Variants in PDE1C observed in about 807,000 individuals in gnomAD.
The protein encoded by PDE1C is dual specificity calcium/calmodulin-dependent 3',5'-cyclic nucleotide phosphodiesterase 1C.
In PDE1C, 62 loss-of-function variants were observed where a neutral mutation model predicts 93.1. The ratio of observed to expected loss-of-function variants is 0.67; its 90% CI spans 0.54 to 0.82. The LOEUF (loss-of-function observed/expected upper bound fraction) is 0.82, where lower values mean the gene tolerates loss of function less well. PDE1C is among the 40% of genes least tolerant of loss of function. The pLI is 0.00. For synonymous variants in PDE1C, 325 were observed against 310.1 expected, an observed-to-expected ratio of 1.05 and a Z score of -0.50; for missense variants, 742 against 884.6, an observed-to-expected ratio of 0.84 and a Z score of 2.04.
At chr7:31,920,710 T>C (rs1270143592) in intron 2 of PDE1C, among the ~76,000 whole-genome samples, 4 of 152,192 alleles carry the variant, frequency 2.6e-5, no homozygotes, top group African/African-American at 9.7e-5. Context: ...CCCAATTGTA[T>C]ACTCCCCTGG....
intron 2 of PDE1C, among the ~76,000 whole-genome samples, chr7:32,183,509 C>T (rs1210401701): frequency 3.9e-5 from 6 of 152,096 alleles, no homozygotes; most frequent in Non-Finnish European, 5.9e-5. Flanking sequence ...TATCTACAAC[C>T]ATCTGATCTT....
At chr7:31,655,783 G>C in the PDE1C span, 1 of 985,598 alleles carries the variant, frequency 1.0e-6, no homozygotes, top group Non-Finnish European at 1.2e-6. Context: ...CTTTACCCAG[G>C]TTGGGCTTTT....
chr7:31,851,274 T>C (rs990731148), intron 7 of PDE1C, among the ~76,000 whole-genome samples: 10 of 152,152 alleles, frequency 6.6e-5, no homozygotes, highest in African/African-American at 1.9e-4. Flanking sequence ...ATCCACACCA[T>C]CAACATTGGC....
intron 2 of PDE1C, among the ~76,000 whole-genome samples, chr7:32,025,739 C>T (rs553533660): frequency 6.6e-6 from 1 of 152,208 alleles, no homozygotes; most frequent in South Asian, 2.1e-4. Context: ...ACTTACTGAG[C>T]GTCCATGTCA....
chr7:32,263,068 G>A (rs1040260157), intron 1 of PDE1C, among the ~76,000 whole-genome samples: 3 of 152,154 alleles, frequency 2.0e-5, no homozygotes, highest in Non-Finnish European at 4.4e-5. Flanking sequence ...GGTGTGATAT[G>A]AGGATCTCCC....
At chr7:32,051,019 G>A (rs547931657) in intron 2 of PDE1C, among the ~76,000 whole-genome samples, 2 of 152,320 alleles carry the variant, frequency 1.3e-5, no homozygotes, top group East Asian at 3.9e-4. Context: ...CAGCCCAGAG[G>A]CAGGCTGGGC....
chr7:31,716,969 C>A, the PDE1C span, among the ~76,000 whole-genome samples: 2 of 152,062 alleles, frequency 1.3e-5, no homozygotes, highest in Non-Finnish European at 2.9e-5. Flanking sequence ...GAAGCAACAC[C>A]AACCAAAATT....
intron 6 of PDE1C, among the ~76,000 whole-genome samples, chr7:31,870,958 A>G (rs1795872382): frequency 6.6e-6 from 1 of 151,348 alleles, no homozygotes; most frequent in Non-Finnish European, 1.5e-5. Context: ...TTTTTAGTAT[A>G]CTTTTATGCT....
At chr7:32,029,205 T>C (rs1789924954) in intron 2 of PDE1C, among the ~76,000 whole-genome samples, 1 of 151,694 alleles carries the variant, frequency 6.6e-6, no homozygotes, top group African/African-American at 2.4e-5. Flanking sequence ...TCATCTCAGA[T>C]GGAGAAAAAA....
chr7:32,137,099 A>T (rs956946447), intron 3 of PDE1C, among the ~76,000 whole-genome samples: 8 of 152,216 alleles, frequency 5.3e-5, no homozygotes, highest in African/African-American at 1.4e-4. Context: ...CAGATGGAGC[A>T]TAAGACTATC....
intron 1 of PDE1C, among the ~76,000 whole-genome samples, chr7:32,405,188 A>G (rs945977353): frequency 4.6e-5 from 7 of 152,166 alleles, no homozygotes; most frequent in African/African-American, 1.7e-4. Flanking sequence ...AAGTCTTCAA[A>G]GAGATTTGTA....
At chr7:31,702,135 G>C in the PDE1C span, among the ~76,000 whole-genome samples, 1 of 151,766 alleles carries the variant, frequency 6.6e-6, no homozygotes, top group Admixed American at 6.6e-5. Flanking sequence ...TCATTCTACA[G>C]GTTATGCTAT....
intron 1 of PDE1C, among the ~76,000 whole-genome samples, chr7:32,221,571 C>G (rs1414247107): frequency 2.0e-5 from 3 of 152,164 alleles, no homozygotes; most frequent in African/African-American, 7.2e-5. Context: ...GGTGATGGCT[C>G]TGGTCCAGGT....
At chr7:31,865,140 C>T in intron 6 of PDE1C, 58 bp from the exon 7 acceptor site, 1 of 1,594,168 alleles carries the variant, frequency 6.3e-7, no homozygotes, top group Admixed American at 1.7e-5. Context: ...AATGGAGACA[C>T]AGAAGTCTAA....
At chr7:31,785,854 A>G (rs1403021296) in intron 16 of PDE1C, 2 of 152,186 alleles carry the variant, frequency 1.3e-5, no homozygotes, top group African/African-American at 4.8e-5. Context: ...TGGCCTTGGC[A>G]GGTAATATGT....
At chr7:31,953,207 G>A (rs575146526) in intron 2 of PDE1C, among the ~76,000 whole-genome samples, 15 of 152,174 alleles carry the variant, frequency 9.9e-5, no homozygotes, top group East Asian at 1.9e-4. Context: ...CTACTTGAAC[G>A]TGTTTGGGCC....
At chr7:31,638,513 A>T in the PDE1C span, among the ~76,000 whole-genome samples, 1 of 151,980 alleles carries the variant, frequency 6.6e-6, no homozygotes, top group Non-Finnish European at 1.5e-5. Flanking sequence ...GACATTGTTA[A>T]TTTTTTTTGT....
At chr7:31,924,503 A>G (rs984195918) in intron 2 of PDE1C, among the ~76,000 whole-genome samples, 1 of 152,214 alleles carries the variant, frequency 6.6e-6, no homozygotes, top group Non-Finnish European at 1.5e-5. Context: ...AGGCATCATG[A>G]CTGGCACAAA....
intron 2 of PDE1C, among the ~76,000 whole-genome samples, chr7:31,934,963 T>A (rs973083292): frequency 2.6e-5 from 4 of 152,206 alleles, no homozygotes; most frequent in African/African-American, 9.6e-5. Flanking sequence ...CCAATTTCAT[T>A]TTAAAACTAC....
Sources: gnomAD v4.1 joint callset for allele counts (sites outside exome capture counted in the v4.1 genomes callset) on GRCh38, gnomAD v4.1.1 for gene constraint, MANE v1.5 for transcripts, NCBI Gene and HGNC (gene_info 2026-07-23, HGNC 2026-07-21) for gene names.